CIT: variants seen among roughly 807,000 people sequenced by gnomAD.
The protein encoded by CIT is citron rho-interacting serine/threonine kinase.
In CIT, 79 loss-of-function variants were observed where a neutral mutation model predicts 272.7. The observed-to-expected ratio is 0.29, with a 90% CI of 0.24 to 0.35. CIT has a LOEUF of 0.35. CIT is among the 10% of genes least tolerant of loss of function. CIT has a pLI of 1.00. For missense variants in CIT, 1,909 were observed against 2,618.3 expected (o/e 0.73, Z 5.91); for synonymous variants, 948 against 995.6 (o/e 0.95, Z 0.90).
chr12:119,834,182 C>A lies in CIT; in HGVS notation c.563G>T (p.Arg188Ile). 6.2e-7 allele frequency: 1 copy of A among 1,613,938 alleles called. No homozygotes were observed. Among genetic ancestry groups the A allele is most frequent in the Non-Finnish European group, 8.5e-7 (1 of 1,179,946 alleles). Residue 188 changes from arginine (R) to isoleucine (I), a missense_variant, in exon 6 of 48, where the codon AGA becomes ATA. By Grantham distance (97) the Arg-to-Ile change is moderately conservative (BLOSUM62 -3). Coordinates refer to ENST00000392521, the MANE Select transcript of CIT (RefSeq NM_001206999.2). ...GTTTTCATCTAACTGGTCCTCATATCTATTCAAAAGTGACAGCAAGTCCCC... is the reference window on the plus strand; with the variant it reads ...GTTTTCATCTAACTGGTCCTCATATATATTCAAAAGTGACAGCAAGTCCCC... ...PGGDLLSLLN[R>I]YEDQLDENLI...
At chr12:119,828,738 AT>A (rs942203159) in intron 7 of CIT, among the ~76,000 whole-genome samples, 12 of 150,634 alleles carry the variant, frequency 8.0e-5, no homozygotes, top group East Asian at 2.0e-4. Flanking sequence ...AACTTTTACA[AT>A]TTTTTTTTAG....
chr12:119,838,512 A>G (rs1969180414), intron 5 of CIT, among the ~76,000 whole-genome samples: 1 of 152,204 alleles, frequency 6.6e-6, no homozygotes, highest in Non-Finnish European at 1.5e-5. Flanking sequence ...GGGACCCAGG[A>G]ATCTATAGTA....
At position 119,689,666 on chromosome 12, in the gene CIT, CT is replaced by C. The variant is rs531946559; in HGVS notation, c.6186+484del. 9.9e-3 allele frequency among the ~76,000 whole-genome samples: 740 copies of C among 74,948 alleles called. 5 individuals are homozygous for C. Among genetic ancestry groups the C allele is most frequent in the African/African-American group, 0.031 (664 of 21,260 alleles). 49.2% of individuals were successfully genotyped at this position (74,948 alleles called of 152,430 possible). ...ACGTTATCCATTTGCTTAGGAAGCT[CT>C]TTTTTTTTTTTTTTTTTTTTTTTTT... On this transcript the variant is annotated intron_variant, in intron 47 of 47. Transcript: ENST00000392521.
chr12:119,720,949 T>C (rs1226691730), intron 29 of CIT, among the ~76,000 whole-genome samples: 2 of 152,158 alleles, frequency 1.3e-5, no homozygotes, highest in Non-Finnish European at 2.9e-5. Flanking sequence ...CAATCATGCT[T>C]TGCCTCTGCA....
At chr12:119,754,145 C>G (rs191175140) in intron 22 of CIT, among the ~76,000 whole-genome samples, 7 of 152,296 alleles carry the variant, frequency 4.6e-5, no homozygotes, top group Admixed American at 1.3e-4. Flanking sequence ...TTCAGAACAA[C>G]TCACTAAGGG....
At chr12:119,876,218 T>G (rs1256125697) in intron 1 of CIT, 37 bp from the exon 2 acceptor site, 1 of 1,396,954 alleles carries the variant, frequency 7.2e-7, no homozygotes. Flanking sequence ...GTGTCCTATG[T>G]TTTGAGCAGG....
chr12:119,818,924 A>G (rs762981791), intron 9 of CIT, among the ~76,000 whole-genome samples: 60 of 152,180 alleles, frequency 3.9e-4, no homozygotes, highest in Non-Finnish European at 7.9e-4. Context: ...AGACAGCAAA[A>G]CTTTCCCATG....
At chr12:119,798,262 A>T (rs2137833067) in intron 10 of CIT, among the ~76,000 whole-genome samples, 1 of 152,166 alleles carries the variant, frequency 6.6e-6, no homozygotes, top group Admixed American at 6.5e-5. Flanking sequence ...ATCATTCGTG[A>T]TTCTCTACAA....
At position 119,770,571 on chromosome 12, in the gene CIT, A is replaced by G. The variant is rs919509499; in HGVS notation, c.2208+214T>C. On this transcript the variant is annotated intron_variant, in intron 18 of 47. Coordinates refer to ENST00000392521, the MANE Select transcript of CIT (RefSeq NM_001206999.2). This position sits in a 1 kb window ranked among gnomAD's most constrained non-coding sequence, Gnocchi z 4.4. ...CCAGGCTGTAGCAAACAGAGCAAAA[A>G]ACGATATTTACGGATCTGTTACCAG... 4.6e-5 allele frequency among the ~76,000 whole-genome samples: 7 copies of G among 152,052 alleles called. No individual in the cohort carries two copies. Among genetic ancestry groups the G allele is most frequent in the Admixed American group, 1.3e-4 (2 of 15,278 alleles).
At position 119,804,383 on chromosome 12, in the gene CIT, C is replaced by A. The variant is rs1445639863; in HGVS notation, c.1112-994G>T. ...AGCCAGGCGAGTTAGAGCCGAGCAT[C>A]ACATCCCCCGCAGTGCAGGCTGCAT... is the stretch of plus-strand genomic sequence containing the variant. On this transcript the variant is annotated intron_variant, in intron 9 of 47. Coordinates refer to ENST00000392521, the MANE Select transcript of CIT (RefSeq NM_001206999.2). The surrounding 1 kb of genome is among the most constrained non-coding windows in gnomAD (Gnocchi z 5.3). The A allele has an allele frequency of 1.9e-5, 19 of 985,482 alleles. No individual in the cohort carries two copies. The highest frequency in any genetic ancestry group is 2.3e-5 in the Non-Finnish European group (19 of 830,050). The allele number at this position is 985,482 out of a possible 1,614,324, so 61.0% of individuals were successfully genotyped here.
intron 8 of CIT, among the ~76,000 whole-genome samples, chr12:119,824,013 T>C (rs1593872003): frequency 9.4e-6 from 1 of 106,892 alleles, no homozygotes; most frequent in South Asian, 3.3e-4. Context: ...CACTCCAGCC[T>C]GGGTAACAGA....
chr12:119,809,993 T>C (rs1966806635), intron 9 of CIT, among the ~76,000 whole-genome samples: 1 of 152,352 alleles, frequency 6.6e-6, no homozygotes, highest in South Asian at 2.1e-4. Flanking sequence ...CCTCGCCCTA[T>C]GCATTTCTTC....
intron 5 of CIT, among the ~76,000 whole-genome samples, chr12:119,838,757 A>G (rs1969199745): frequency 6.6e-6 from 1 of 152,204 alleles, no homozygotes; most frequent in Admixed American, 6.5e-5. Context: ...ACTGACGACA[A>G]AGGGCTGGAA....
intron 32 of CIT, among the ~76,000 whole-genome samples, chr12:119,717,239 A>G (rs901865488): frequency 6.6e-6 from 1 of 152,030 alleles, no homozygotes; most frequent in Non-Finnish European, 1.5e-5. Flanking sequence ...TTTAGTAGAG[A>G]CAGGGTTTCT....
chr12:119,796,759 C>T (rs773528731), intron 10 of CIT, among the ~76,000 whole-genome samples: 1 of 151,978 alleles, frequency 6.6e-6, no homozygotes, highest in Non-Finnish European at 1.5e-5. Flanking sequence ...GGAGATGGTA[C>T]GTACATTGCA....
chr12:119,811,350 T>C (rs1966846148), intron 9 of CIT, among the ~76,000 whole-genome samples: 2 of 152,130 alleles, frequency 1.3e-5, no homozygotes, highest in Non-Finnish European at 2.9e-5. Flanking sequence ...GGAGTTCCAG[T>C]TTGCAATAGA....
chr12:119,760,482 G>C (rs1290973229), intron 20 of CIT, among the ~76,000 whole-genome samples: 1 of 151,886 alleles, frequency 6.6e-6, no homozygotes, highest in Non-Finnish European at 1.5e-5. Flanking sequence ...TAAAAATTAG[G>C]TAAGCATGGG....
chr12:119,873,661 T>C (rs1368272664), intron 2 of CIT, among the ~76,000 whole-genome samples: 1 of 152,134 alleles, frequency 6.6e-6, no homozygotes. Context: ...AGACAGACTA[T>C]TCATTTGTGA....
At chr12:119,808,819 T>C (rs776190557) in intron 9 of CIT, among the ~76,000 whole-genome samples, 1 of 152,118 alleles carries the variant, frequency 6.6e-6, no homozygotes, top group African/African-American at 2.4e-5. Context: ...AAAGGAAGAG[T>C]ACCAAAAAAA....
Sources: allele counts gnomAD v4.1 joint callset (sites outside exome capture counted in the v4.1 genomes callset), GRCh38; gene constraint gnomAD v4.1.1; non-coding constraint Gnocchi (gnomAD v3.1); transcripts MANE v1.5; gene names NCBI Gene and HGNC (gene_info 2026-07-23, HGNC 2026-07-21).